The following GPATCH1 variants were observed in gnomAD, a reference collection of about 807,000 sequenced individuals.
GPATCH1 encodes the protein G patch domain-containing protein 1.
A neutral mutation model predicts 114.9 loss-of-function variants in GPATCH1; 73 were observed. That is an observed-to-expected ratio of 0.64 (90% CI 0.53 to 0.77). GPATCH1 has a LOEUF of 0.77. Among genes scored for constraint, GPATCH1 ranks in the 30% least tolerant of loss-of-function variants. The probability of loss-of-function intolerance (pLI) is 0.00; values close to 1 mark genes in which losing one functional copy is unlikely to be tolerated. For synonymous variants in GPATCH1, 391 were observed against 428.4 expected (o/e 0.91, Z 1.08); for missense variants, 1,058 against 1,144.3 (o/e 0.92, Z 1.09).
intron 17 of GPATCH1, among the ~76,000 whole-genome samples, chr19:33,120,013 TTTATA>T (rs1461825621): frequency 2.6e-4 from 35 of 134,574 alleles, no homozygotes; most frequent in African/African-American, 7.3e-4. Flanking sequence ...TTTTATATAT[TTTATA>T]TATTTATATA....
At chr19:33,123,754 T>A (rs925184029) in intron 17 of GPATCH1, among the ~76,000 whole-genome samples, 4 of 149,750 alleles carry the variant, frequency 2.7e-5, no homozygotes, top group South Asian at 2.1e-4. Context: ...AAAAAAAAAA[T>A]AAATAAAGAA....
At chr19:33,122,287 C>T (rs1243764228) in intron 17 of GPATCH1, among the ~76,000 whole-genome samples, 1 of 148,086 alleles carries the variant, frequency 6.8e-6, no homozygotes, top group African/African-American at 2.5e-5. Flanking sequence ...GGATTACGGT[C>T]GTGAGCCACT....
At chr19:33,088,104 T>G in intron 1 of GPATCH1, 30 bp from the exon 2 acceptor site, 1 of 1,403,870 alleles carries the variant, frequency 7.1e-7, no homozygotes, top group African/African-American at 1.6e-5. Context: ...TCTTTTTCAT[T>G]TAAAAAACTT....
intron 9 of GPATCH1, among the ~76,000 whole-genome samples, chr19:33,101,858 C>T (rs1023369311): frequency 7.9e-5 from 12 of 151,158 alleles, no homozygotes; most frequent in Admixed American, 2.0e-4. Context: ...GGAGAAACCC[C>T]GTCTCTACTA....
At chr19:33,092,341 G>A (rs992737393) in intron 3 of GPATCH1, among the ~76,000 whole-genome samples, 2 of 152,058 alleles carry the variant, frequency 1.3e-5, no homozygotes, top group African/African-American at 2.4e-5. Context: ...GTGAGCCACC[G>A]CACCCGGCAG....
chr19:33,083,591 C>T (rs547229188), intron 1 of GPATCH1, among the ~76,000 whole-genome samples: 5 of 151,348 alleles, frequency 3.3e-5, no homozygotes, highest in South Asian at 4.2e-4. Context: ...GACAGGGTTT[C>T]GCCATATTGG....
rs1263486566 is a variant in GPATCH1, at chr19:33,109,653, G to A, written c.1286-64G>A. ...TTTGTGTTATTGAAATGTATGTACAGAGAAACGTAAATGTGGTTGTCTCAT... is the reference window on the plus strand; with the variant it reads ...TTTGTGTTATTGAAATGTATGTACAAAGAAACGTAAATGTGGTTGTCTCAT... On this transcript the variant is annotated intron_variant, in intron 10 of 19. Transcript: ENST00000170564. The A allele has an allele frequency of 3.8e-6, 4 of 1,043,398 alleles. No individual in the cohort carries two copies. In the East Asian group the frequency reaches 9.8e-5, roughly 26 times the overall value. The allele number at this position is 1,043,398 out of a possible 1,614,324, so 64.6% of individuals were successfully genotyped here.
At chr19:33,095,511 C>T (rs1378364590) in intron 5 of GPATCH1, among the ~76,000 whole-genome samples, 1 of 151,956 alleles carries the variant, frequency 6.6e-6, no homozygotes, top group Non-Finnish European at 1.5e-5. Flanking sequence ...ATCCACCCCG[C>T]CTCAGCCTCC....
intron 7 of GPATCH1, among the ~76,000 whole-genome samples, chr19:33,096,738 C>T (rs1972664735): frequency 6.6e-6 from 1 of 151,838 alleles, no homozygotes; most frequent in African/African-American, 2.4e-5. Context: ...AAGTGATTCT[C>T]CTGCCTCAGC....
At chr19:33,122,262 C>G (rs1413913335) in intron 17 of GPATCH1, among the ~76,000 whole-genome samples, 1 of 151,588 alleles carries the variant, frequency 6.6e-6, no homozygotes, top group Non-Finnish European at 1.5e-5. Context: ...CCTGCCTCAG[C>G]CTCCCAAAGT....
chr19:33,114,965 G>T (rs2145332101), intron 15 of GPATCH1, among the ~76,000 whole-genome samples: 1 of 151,668 alleles, frequency 6.6e-6, no homozygotes, highest in Admixed American at 6.6e-5. Context: ...GCACCACCAT[G>T]CCTGGCTAAT....
intron 5 of GPATCH1, 44 bp downstream of exon 5, chr19:33,094,313 CTT>C (rs58636263): frequency 0.05 from 38,354 of 765,528 alleles, no homozygotes; most frequent in South Asian, 0.12. Context: ...CTGCAGCGTA[CTT>C]TTTTTTTTTT....
At chr19:33,086,187 C>T (rs1296506694) in intron 1 of GPATCH1, among the ~76,000 whole-genome samples, 2 of 9,164 alleles carry the variant, frequency 2.2e-4, no homozygotes, top group East Asian at 6.6e-3. Context: ...AAGAATGATG[C>T]CAAGTGCATA....
At chr19:33,110,840 G>T (rs897064397) in intron 11 of GPATCH1, among the ~76,000 whole-genome samples, 8 of 151,634 alleles carry the variant, frequency 5.3e-5, no homozygotes, top group Non-Finnish European at 1.0e-4. Context: ...GCATCATTTT[G>T]GCTGGGGATG....
chr19:33,087,999 A>G, intron 1 of GPATCH1, 135 bp from the exon 2 acceptor site: 1 of 537,122 alleles, frequency 1.9e-6, no homozygotes, highest in Admixed American at 3.5e-5. Flanking sequence ...TCTAGGAATA[A>G]CAATTTAAAT....
At chr19:33,109,614 C>A in intron 10 of GPATCH1, 103 bp from the exon 11 acceptor site, 1 of 662,050 alleles carries the variant, frequency 1.5e-6, no homozygotes, top group Non-Finnish European at 2.5e-6. Context: ...AATCCTCATC[C>A]CCAATTATGT....
chr19:33,124,642 C>G, intron 17 of GPATCH1, among the ~76,000 whole-genome samples: 1 of 152,158 alleles, frequency 6.6e-6, no homozygotes. Context: ...TAGTCTGTGT[C>G]CCTAAAAGGA....
chr19:33,116,919 G>C (rs944629735), intron 15 of GPATCH1, among the ~76,000 whole-genome samples: 2 of 152,064 alleles, frequency 1.3e-5, no homozygotes, highest in African/African-American at 4.8e-5. Context: ...CTCAGGCTGG[G>C]TGTGTTGGCT....
chr19:33,094,406 G>T (rs1972632436), intron 5 of GPATCH1, 137 bp downstream of exon 5: 1 of 594,074 alleles, frequency 1.7e-6, no homozygotes, highest in Middle Eastern at 4.5e-4. Context: ...GACCTCCCGG[G>T]CTCAAGTGAT....
Sources: gnomAD v4.1 joint callset for allele counts (sites outside exome capture counted in the v4.1 genomes callset) on GRCh38, gnomAD v4.1.1 for gene constraint, MANE v1.5 for transcripts, NCBI Gene and HGNC (gene_info 2026-07-23, HGNC 2026-07-21) for gene names.